Variants in HOXC4 observed in about 807,000 individuals in gnomAD.
HOXC4 encodes the protein homeobox protein Hox-C4.
A neutral mutation model predicts 25.5 loss-of-function variants in HOXC4; 15 were observed. That is an observed-to-expected ratio of 0.59 (90% CI 0.39 to 0.91). The LOEUF (loss-of-function observed/expected upper bound fraction) is 0.91, where lower values mean the gene tolerates loss of function less well. HOXC4 is among the 40% of genes least tolerant of loss of function. HOXC4 has a pLI of 0.00. For missense variants in HOXC4, 342 were observed against 352.4 expected, an observed-to-expected ratio of 0.97 and a Z score of 0.24; for synonymous variants, 165 against 148.0, an observed-to-expected ratio of 1.11 and a Z score of -0.83.
intron 1 of HOXC4, among the ~76,000 whole-genome samples, chr12:54,031,867 C>T (rs925077368): frequency 1.3e-5 from 2 of 152,202 alleles, no homozygotes; most frequent in East Asian, 3.8e-4. Context: ...CCTGCCCACC[C>T]CCCAGGTCCG....
intron 1 of HOXC4, among the ~76,000 whole-genome samples, chr12:54,026,052 C>A (rs1199587143): frequency 2.0e-5 from 3 of 152,110 alleles, no homozygotes; most frequent in Admixed American, 1.3e-4. Context: ...TTGTACATTG[C>A]AACAATTTAA....
upstream of HOXC4, chr12:54,053,018 G>A (rs2277371): frequency 0.042 from 6,457 of 152,844 alleles, 364 homozygotes; most frequent in East Asian, 0.2. Context: ...TAGCAGGCCG[G>A]GCTGAATGGG....
chr12:54,023,194 A>G (rs571235535), intron 1 of HOXC4, among the ~76,000 whole-genome samples: 13 of 152,278 alleles, frequency 8.5e-5, no homozygotes, highest in South Asian at 6.2e-4. Context: ...ACCAGCCCCC[A>G]AAAAGCCAGA....
At chr12:54,030,881 G>C (rs1180487333) in intron 1 of HOXC4, 2 of 152,258 alleles carry the variant, frequency 1.3e-5, no homozygotes, top group East Asian at 1.9e-4. Context: ...GCTGGAGCAG[G>C]CTCCAAGCGC....
intron 1 of HOXC4, among the ~76,000 whole-genome samples, chr12:54,046,369 C>A (rs1051476949): frequency 6.6e-6 from 1 of 152,162 alleles, no homozygotes; most frequent in African/African-American, 2.4e-5. Context: ...GCCAGGCAGG[C>A]GGACTCTTAT....
At chr12:54,030,094 C>A in intron 1 of HOXC4, 1 of 910,844 alleles carries the variant, frequency 1.1e-6, no homozygotes, top group Non-Finnish European at 1.6e-6. Context: ...ATTAGGGAGT[C>A]AAACGTGGAC....
intron 1 of HOXC4, chr12:54,028,949 T>C: frequency 6.3e-7 from 1 of 1,575,282 alleles, no homozygotes. Context: ...GAGATATAAA[T>C]TAAATAAACT....
chr12:54,046,218 C>T (rs991616414), intron 1 of HOXC4, among the ~76,000 whole-genome samples: 1 of 152,226 alleles, frequency 6.6e-6, no homozygotes, highest in Non-Finnish European at 1.5e-5. Flanking sequence ...AGCAGCCCCG[C>T]TCTTATCGGC....
chr12:54,055,285 A>AATATATATAT lies in HOXC4; in HGVS notation c.*98_*107dup, dbSNP rs60894549. 32 of 228,090 alleles carry AATATATATAT rather than the reference A, an allele frequency of 1.4e-4. No homozygotes were observed. The highest frequency in any genetic ancestry group is 3.4e-4 in the South Asian group (4 of 11,872). The allele number at this position is 228,090 out of a possible 1,614,324, so 14.1% of individuals were successfully genotyped here. ...AAATTGACTCTTATTTATAGAATTT[A>AATATATATAT]ATATATATATATATATATATATATA... is the stretch of plus-strand genomic sequence containing the variant. On this transcript the variant is annotated 3_prime_UTR_variant, in exon 2 of 2. Coordinates refer to ENST00000430889, the MANE Select transcript of HOXC4 (RefSeq NM_153633.3).
intron 1 of HOXC4, among the ~76,000 whole-genome samples, chr12:54,019,709 T>C (rs1940343137): frequency 6.6e-6 from 1 of 152,120 alleles, no homozygotes; most frequent in South Asian, 2.1e-4. Flanking sequence ...GGCTGAGGTA[T>C]TTCTCTTAAT....
intron 1 of HOXC4, 47 bp downstream of exon 1, chr12:54,054,408 A>G: frequency 8.5e-7 from 1 of 1,181,986 alleles, no homozygotes; most frequent in Non-Finnish European, 1.1e-6. Context: ...CTTCTTCCCT[A>G]GCGCTCCCCA....
At chr12:54,033,593 C>A in intron 1 of HOXC4, 1 of 1,531,228 alleles carries the variant, frequency 6.5e-7, no homozygotes, top group Non-Finnish European at 8.8e-7. Flanking sequence ...TTTAGGACTT[C>A]ATTTTGCGCT....
At chr12:54,042,688 T>C (rs907885403) in intron 1 of HOXC4, among the ~76,000 whole-genome samples, 2 of 152,128 alleles carry the variant, frequency 1.3e-5, no homozygotes, top group African/African-American at 4.8e-5. Flanking sequence ...CTGAAGCCCT[T>C]TGAGGTGAAG....
At chr12:54,054,383 T>TGCCC in intron 1 of HOXC4, 22 bp downstream of exon 1, 1 of 1,468,180 alleles carries the variant, frequency 6.8e-7, no homozygotes, top group Non-Finnish European at 9.1e-7. Flanking sequence ...TGCTTTTTGC[T>TGCCC]CCCCCCCTCC....
At chr12:54,042,668 A>T (rs933420652) in intron 1 of HOXC4, among the ~76,000 whole-genome samples, 2 of 152,192 alleles carry the variant, frequency 1.3e-5, no homozygotes, top group African/African-American at 4.8e-5. Flanking sequence ...CTTTAGTGGG[A>T]CTAGGGCCCC....
intron 1 of HOXC4, among the ~76,000 whole-genome samples, chr12:54,043,556 G>T (rs1941308505): frequency 6.6e-6 from 1 of 152,088 alleles, no homozygotes; most frequent in Admixed American, 6.5e-5. Context: ...CTTCCCGTCA[G>T]CCCAGCTTGG....
At chr12:54,053,048 CAGT>C, upstream of HOXC4, 1 of 152,714 alleles carries the variant, frequency 6.5e-6, no homozygotes, top group African/African-American at 2.4e-5. Flanking sequence ...CAGAAGCCAG[CAGT>C]AGAAGAGATC....
At chr12:54,047,397 A>T (rs1181992847) in intron 1 of HOXC4, among the ~76,000 whole-genome samples, 1 of 152,086 alleles carries the variant, frequency 6.6e-6, no homozygotes, top group Non-Finnish European at 1.5e-5. Flanking sequence ...CGGCAGGACC[A>T]TTTCGTTGGA....
Position 54,034,228 on chromosome 12 carries a change from G to C in HOXC4, c.-124+16814G>C, listed in dbSNP as rs754274057. 11 of 1,516,000 alleles carry C rather than the reference G, an allele frequency of 7.3e-6. No individual in the cohort carries two copies. In the Admixed American group the frequency reaches 1.8e-4, roughly 25 times the overall value. 93.9% of individuals were successfully genotyped at this position (1,516,000 alleles called of 1,614,324 possible). ...TGGGCTGGGGTGGGGACGGGGGAAC[G>C]CTGCAAGCTATTCACCCCTTCCTGG... is the stretch of plus-strand genomic sequence containing the variant. On this transcript the variant is annotated intron_variant, in intron 1 of 3. Transcript: ENST00000303406.
Sources: allele counts gnomAD v4.1 joint callset (sites outside exome capture counted in the v4.1 genomes callset), GRCh38; gene constraint gnomAD v4.1.1; transcripts MANE v1.5; gene names NCBI Gene and HGNC (gene_info 2026-07-23, HGNC 2026-07-21).